ATM: variants seen among roughly 807,000 people sequenced by gnomAD.
ATM encodes serine-protein kinase ATM.
In ATM, 308 loss-of-function variants were observed where a neutral mutation model predicts 387.0. The observed-to-expected ratio is 0.80, with a 90% confidence interval of 0.73 to 0.87. ATM has a LOEUF of 0.87. Among genes scored for constraint, ATM ranks in the 40% least tolerant of loss-of-function variants. The pLI is 0.00. For synonymous variants in ATM, 1,156 were observed against 1,187.3 expected, an observed-to-expected ratio of 0.97 and a Z score of 0.54; for missense variants, 3,312 against 3,560.9, an observed-to-expected ratio of 0.93 and a Z score of 1.78.
chr11:108,304,538 T>C (rs1295548846), intron 36 of ATM, 137 bp from the exon 37 acceptor site: 6 of 894,966 alleles, frequency 6.7e-6, no homozygotes, highest in African/African-American at 1.7e-5. Flanking sequence ...TTTAGCAGTA[T>C]GTTGAGTTTA....
chr11:108,301,737 C>G lies in ATM; in HGVS notation c.5267C>G (p.Thr1756Arg), dbSNP rs786203369. The G allele has an allele frequency of 1.5e-5, 25 of 1,613,666 alleles. No individual in the cohort carries two copies. The highest frequency in any genetic ancestry group is 2.1e-5 in the Non-Finnish European group (25 of 1,179,766). The change falls in exon 35 of 63, where the codon ACA (threonine) becomes AGA (arginine). Residue 1756 changes from threonine to arginine, a missense_variant. Physicochemically the swap from Thr to Arg is moderately conservative, Grantham distance 71. Coordinates refer to ENST00000675843, the MANE Select transcript of ATM (RefSeq NM_000051.4). ...AGTTTCTGGGAGATTTATAAGATGA[C>G]AACAGATCCAATGCTGGCCTATCTA... Reference protein sequence around the residue: ...GHSFWEIYKMTTDPMLAYLQP... With the variant: ...GHSFWEIYKMRTDPMLAYLQP...
intron 10 of ATM, 37 bp from the exon 11 acceptor site, chr11:108,251,800 A>G (rs1241376661): frequency 6.2e-7 from 1 of 1,607,538 alleles, no homozygotes; most frequent in Non-Finnish European, 8.5e-7. Context: ...CCCCTCCAAT[A>G]GCTTGCTTTT....
intron 40 of ATM, among the ~76,000 whole-genome samples, chr11:108,313,727 G>A (rs1167958693): frequency 3.9e-5 from 6 of 152,248 alleles, no homozygotes; most frequent in South Asian, 2.1e-4. Flanking sequence ...TTGATTTCAC[G>A]TTATGAATAG....
chr11:108,295,899 C>T (rs996129768), intron 32 of ATM: 1 of 152,126 alleles, frequency 6.6e-6, no homozygotes, highest in African/African-American at 2.4e-5. Context: ...CTCAGGCAAT[C>T]CGCCCACCTC....
At chr11:108,246,010 G>A (rs2079831153) in intron 7 of ATM, among the ~76,000 whole-genome samples, 1 of 151,792 alleles carries the variant, frequency 6.6e-6, no homozygotes, top group African/African-American at 2.4e-5. Flanking sequence ...TTTTAATAGG[G>A]ATGGGGTCTC....
At position 108,362,499 on chromosome 11, in the gene ATM, C is replaced by T. The variant is rs1162981048; in HGVS notation, c.8851-2583C>T. Among the ~76,000 whole-genome samples the T allele has an allele frequency of 7.2e-4, 108 of 149,172 alleles. 1 individual carries two copies. The highest frequency in any genetic ancestry group is 2.5e-3 in the African/African-American group (102 of 40,922). On this transcript the variant is annotated intron_variant, in intron 61 of 62. Transcript: ENST00000675843. ...ATGCTGCTATAAAGACACATGCACA[C>T]GTATGTTTATTGCGGCATTATTCAC...
chr11:108,228,896 A>T (rs766309259), intron 3 of ATM, among the ~76,000 whole-genome samples: 1 of 152,232 alleles, frequency 6.6e-6, no homozygotes, highest in Admixed American at 6.5e-5. Context: ...GAGGGTCCTT[A>T]CTAGCATTGT....
intron 32 of ATM, chr11:108,297,026 A>G (rs990236478): frequency 2.4e-6 from 1 of 410,842 alleles, no homozygotes; most frequent in Non-Finnish European, 4.5e-6. Flanking sequence ...GATTTTGCTA[A>G]GGTGTTGACT....
At chr11:108,327,276 C>A in intron 47 of ATM, 1 of 271,232 alleles carries the variant, frequency 3.7e-6, no homozygotes, top group Non-Finnish European at 7.2e-6. Context: ...CTGGAGTTAC[C>A]CAACTTCCTT....
intron 56 of ATM, chr11:108,340,504 A>G (rs754301111): frequency 2.4e-4 from 36 of 152,200 alleles, no homozygotes; most frequent in Non-Finnish European, 4.1e-4. Context: ...AGTCTTGTCT[A>G]TTCCATCAGC....
chr11:108,313,680 G>T (rs2084365006), intron 40 of ATM, among the ~76,000 whole-genome samples: 1 of 152,158 alleles, frequency 6.6e-6, no homozygotes, highest in African/African-American at 2.4e-5. Context: ...TAAGCACTGT[G>T]CTAAGCATGG....
chr11:108,254,994 T>A (rs544462449), intron 13 of ATM, among the ~76,000 whole-genome samples: 20 of 152,344 alleles, frequency 1.3e-4, no homozygotes, highest in African/African-American at 3.8e-4. Context: ...ATGTTTCACA[T>A]TTTTAATGGC....
At chr11:108,236,950 T>C (rs1322849363) in intron 5 of ATM, among the ~76,000 whole-genome samples, 1 of 152,192 alleles carries the variant, frequency 6.6e-6, no homozygotes, top group East Asian at 1.9e-4. Flanking sequence ...AGTCTTCTAA[T>C]ACACGAACTC....
chr11:108,261,914 G>A (rs891574703), intron 16 of ATM, among the ~76,000 whole-genome samples: 25 of 152,006 alleles, frequency 1.6e-4, no homozygotes, highest in Admixed American at 7.9e-4. Context: ...GAAATGAAGC[G>A]AGAAGGGAAG....
In ATM at chr11:108,332,748, T is replaced by G. The variant is rs961324792; in HGVS notation, c.7789-14T>G. 1 of 1,610,454 alleles carries G rather than the reference T, an allele frequency of 6.2e-7. No homozygotes were observed. Among genetic ancestry groups the G allele is most frequent in the Non-Finnish European group, 8.5e-7 (1 of 1,179,016 alleles). Reference sequence around the variant, plus strand: ...GTAGTTCCTTATGTAATGTTTTTTGTTTTTTATTAATAGGATCGAACAGAG... The same window carrying G: ...GTAGTTCCTTATGTAATGTTTTTTGGTTTTTATTAATAGGATCGAACAGAG... On this transcript the variant is annotated splice_polypyrimidine_tract_variant and intron_variant, in intron 52 of 62. Coordinates refer to ENST00000675843, the MANE Select transcript of ATM (RefSeq NM_000051.4).
rs912886321 is a variant in ATM at position 108,268,403 on chromosome 11, T to C, written c.2639-7T>C. Reference sequence around the variant, plus strand: ...TCTTAGTGTTAATGAGTGCTTTTTATTTTTAGGTGCCATTAATCCTTTAGC... The same window carrying C: ...TCTTAGTGTTAATGAGTGCTTTTTACTTTTAGGTGCCATTAATCCTTTAGC... On this transcript the variant is annotated splice_polypyrimidine_tract_variant and splice_region_variant and intron_variant, in intron 17 of 62. Coordinates refer to ENST00000675843, the MANE Select transcript of ATM (RefSeq NM_000051.4). 3 of 1,612,958 alleles carry C rather than the reference T, an allele frequency of 1.9e-6. No homozygotes were observed. The highest frequency in any genetic ancestry group is 3.3e-5 in the Admixed American group (2 of 60,006).
At chr11:108,346,004 G>T (rs1450372588) in intron 58 of ATM, 96 bp downstream of exon 58, 4 of 1,425,988 alleles carry the variant, frequency 2.8e-6, no homozygotes, top group Non-Finnish European at 3.0e-6. Context: ...CTGAGTTGCA[G>T]GGGGATGATA....
At position 108,367,678 on chromosome 11, in the gene ATM, C is replaced by T. The variant is rs1208861750; in HGVS notation, c.*2170C>T. On this transcript the variant is annotated 3_prime_UTR_variant, in exon 63 of 63. Coordinates refer to ENST00000675843, the MANE Select transcript of ATM (RefSeq NM_000051.4). ...GAAGAGTTGGCATTTCTTTTTATTG[C>T]CAATGGCAGGCACTCATTCATATTT... 4.7e-6 allele frequency: 1 copy of T among 213,842 alleles called. No individual in the cohort carries two copies. Among genetic ancestry groups the T allele is most frequent in the Non-Finnish European group, 9.5e-6 (1 of 105,788 alleles). 13.2% of individuals were successfully genotyped at this position (213,842 alleles called of 1,614,324 possible).
At chr11:108,281,975 T>C (rs1292260179) in intron 24 of ATM, among the ~76,000 whole-genome samples, 1 of 152,176 alleles carries the variant, frequency 6.6e-6, no homozygotes, top group Non-Finnish European at 1.5e-5. Flanking sequence ...ATTTATTTAT[T>C]TATTTTGAAA....
Sources: allele counts gnomAD v4.1 joint callset (sites outside exome capture counted in the v4.1 genomes callset), GRCh38; gene constraint gnomAD v4.1.1; transcripts MANE v1.5; gene names NCBI Gene and HGNC (gene_info 2026-07-23, HGNC 2026-07-21).